The following CLEC4C variants were observed in gnomAD, a reference collection of about 807,000 sequenced individuals.
The protein encoded by CLEC4C is C-type (calcium dependent, carbohydrate-recognition domain) lectin, superfamily member 11.
In CLEC4C, 17 loss-of-function variants were observed where a neutral mutation model predicts 27.7. The observed-to-expected ratio is 0.61, with a 90% CI of 0.42 to 0.92. The LOEUF (loss-of-function observed/expected upper bound fraction) is 0.92. Ranked by LOEUF, CLEC4C falls within the 40% of genes least tolerant of loss-of-function variation. CLEC4C has a pLI of 0.00. For missense variants in CLEC4C, 244 were observed against 257.3 expected (o/e 0.95, Z 0.35); for synonymous variants, 80 against 80.8 (o/e 0.99, Z 0.06).
At chr12:7,741,777 T>C (rs1475824891) in intron 2 of CLEC4C, among the ~76,000 whole-genome samples, 2 of 152,120 alleles carry the variant, frequency 1.3e-5, no homozygotes, top group East Asian at 3.9e-4. Flanking sequence ...ACACCTGTAA[T>C]CCCAGCGCTT....
chr12:7,736,232 A>C (rs1864722699), intron 4 of CLEC4C, among the ~76,000 whole-genome samples: 1 of 151,800 alleles, frequency 6.6e-6, no homozygotes, highest in South Asian at 2.1e-4. Flanking sequence ...GCAGTGAGCC[A>C]AGACCGTGCC....
At chr12:7,741,654 G>A (rs1158622477) in intron 2 of CLEC4C, 123 bp from the exon 3 acceptor site, 17 of 583,738 alleles carry the variant, frequency 2.9e-5, no homozygotes, top group South Asian at 6.5e-5. Flanking sequence ...TTAGGAGGCC[G>A]AGGTGGGAGG....
At chr12:7,730,770 G>A (rs1864577497) in intron 5 of CLEC4C, 27 bp downstream of exon 5, 2 of 1,165,426 alleles carry the variant, frequency 1.7e-6, no homozygotes, top group Non-Finnish European at 2.6e-6. Context: ...TCAGGACCCA[G>A]TGTCCTTTAC....
At chr12:7,734,474 C>G (rs1400667588) in intron 4 of CLEC4C, among the ~76,000 whole-genome samples, 1 of 151,852 alleles carries the variant, frequency 6.6e-6, no homozygotes, top group Non-Finnish European at 1.5e-5. Flanking sequence ...CCATAATGTA[C>G]TGTAGGACTT....
chr12:7,745,254 G>A (rs1034607732), intron 2 of CLEC4C, among the ~76,000 whole-genome samples: 1 of 151,880 alleles, frequency 6.6e-6, no homozygotes, highest in African/African-American at 2.4e-5. Context: ...AAGAAACCGT[G>A]ACGAGCTAGC....
chr12:7,732,180 A>C lies in CLEC4C; in HGVS notation c.382-1268T>G, dbSNP rs28446758. Among the ~76,000 whole-genome samples, 703 of 151,650 alleles carry C rather than the reference A, an allele frequency of 4.6e-3. 4 individuals are homozygous for C. Among genetic ancestry groups the C allele is most frequent in the African/African-American group, 0.016 (666 of 41,380 alleles). On this transcript the variant is annotated intron_variant, in intron 4 of 5. Coordinates refer to ENST00000360345, the MANE Select transcript of CLEC4C (RefSeq NM_001371390.1). ...AAGTAGCTGGGATAACAGGCATGCA[A>C]CATCATGCCTGGTTAATTTTTGTAT...
At chr12:7,737,353 T>G (rs1466259050) in intron 4 of CLEC4C, 76 bp downstream of exon 4, 12 of 1,183,856 alleles carry the variant, frequency 1.0e-5, no homozygotes, top group Admixed American at 8.7e-5. Flanking sequence ...CTTTGAACTT[T>G]CAGGGCAATA....
In CLEC4C at chr12:7,734,222, C is replaced by G. The variant is rs145674794; in HGVS notation, c.381+3207G>C. On this transcript the variant is annotated intron_variant, in intron 4 of 5. Transcript: ENST00000360345. ...TTCATTCATTGAACATTCAAGCAGTCTATTGTCTGCCCAGACCCTGTGCTA... is the reference window on the plus strand; with the variant it reads ...TTCATTCATTGAACATTCAAGCAGTGTATTGTCTGCCCAGACCCTGTGCTA... 4.6e-3 allele frequency among the ~76,000 whole-genome samples: 702 copies of G among 152,280 alleles called. 4 individuals carry two copies. Among genetic ancestry groups the G allele is most frequent in the African/African-American group, 0.016 (665 of 41,546 alleles).
rs756061476 is a variant in CLEC4C, at chr12:7,733,265, A to AT, written c.382-2354dup. On this transcript the variant is annotated intron_variant, in intron 4 of 5. Coordinates refer to ENST00000360345, the MANE Select transcript of CLEC4C (RefSeq NM_001371390.1). The stretch of plus-strand genomic sequence containing the variant: ...CTATAATCAAATTTTAGAAAGCCAA[A>AT]TTTTTTTTTTTTTTTGGAGGTGGAG... Among the ~76,000 whole-genome samples, 287 of 143,688 alleles carry AT rather than the reference A, an allele frequency of 2.0e-3. 1 individual carries two copies. Among genetic ancestry groups the AT allele is most frequent in the South Asian group, 0.011 (51 of 4,560 alleles). 94.3% of individuals were successfully genotyped at this position (143,688 alleles called of 152,430 possible).
intron 4 of CLEC4C, among the ~76,000 whole-genome samples, chr12:7,736,591 G>T (rs1864731141): frequency 6.6e-6 from 1 of 151,950 alleles, no homozygotes; most frequent in Admixed American, 6.6e-5. Flanking sequence ...TTTGCCTGAA[G>T]TTTGCTCCGG....
At chr12:7,743,098 C>T (rs1327096407) in intron 2 of CLEC4C, among the ~76,000 whole-genome samples, 1 of 152,158 alleles carries the variant, frequency 6.6e-6, no homozygotes, top group Non-Finnish European at 1.5e-5. Context: ...TACCCAGCAC[C>T]TAGAAAAGTG....
chr12:7,745,648 G>C (rs1231684704), intron 2 of CLEC4C, among the ~76,000 whole-genome samples: 1 of 151,206 alleles, frequency 6.6e-6, no homozygotes, highest in African/African-American at 2.4e-5. Context: ...GTCCAAGCTG[G>C]TCTTGAACTC....
chr12:7,735,926 A>G (rs1439529905), intron 4 of CLEC4C, among the ~76,000 whole-genome samples: 1 of 152,214 alleles, frequency 6.6e-6, no homozygotes, highest in East Asian at 1.9e-4. Context: ...GAAAAATACA[A>G]TAATTGAATT....
At chr12:7,746,213 CAAAAAAAAA>C (rs932573091) in intron 2 of CLEC4C, 109 bp downstream of exon 2, 14 of 414,926 alleles carry the variant, frequency 3.4e-5, no homozygotes, top group Non-Finnish European at 5.2e-5. Context: ...GATTCCGTCT[CAAAAAAAAA>C]AAAAAAAAAA....
chr12:7,737,639 A>G lies in CLEC4C; in HGVS notation c.236-65T>C, dbSNP rs1057028225. ...AGAATTCTCCTCACATAAAGTTATA[A>G]GCTTAGCTTGCTAAGGTTTAATTAG... On this transcript the variant is annotated intron_variant, in intron 3 of 5. Coordinates refer to ENST00000360345, the MANE Select transcript of CLEC4C (RefSeq NM_001371390.1). 17 of 1,486,388 alleles carry G rather than the reference A, an allele frequency of 1.1e-5. No homozygotes were observed. In the African/African-American group the frequency reaches 2.2e-4, roughly 20 times the overall value. The allele number at this position is 1,486,388 out of a possible 1,614,324, so 92.1% of individuals were successfully genotyped here.
intron 3 of CLEC4C, among the ~76,000 whole-genome samples, chr12:7,739,455 T>C (rs941648882): frequency 6.8e-6 from 1 of 147,352 alleles, no homozygotes; most frequent in Admixed American, 6.8e-5. Context: ...TGGGTCCATA[T>C]TTCCTTCCTG....
At chr12:7,742,060 A>G (rs1241080137) in intron 2 of CLEC4C, among the ~76,000 whole-genome samples, 1 of 151,904 alleles carries the variant, frequency 6.6e-6, no homozygotes, top group Non-Finnish European at 1.5e-5. Flanking sequence ...GGCGCCTGTA[A>G]TTCCAGTTAC....
intron 5 of CLEC4C, 117 bp downstream of exon 5, chr12:7,730,680 G>A: frequency 1.0e-5 from 5 of 498,956 alleles, no homozygotes; most frequent in South Asian, 2.5e-5. Flanking sequence ...ATGTCAAATA[G>A]ACCTAGGTTT....
intron 4 of CLEC4C, among the ~76,000 whole-genome samples, chr12:7,734,256 A>G (rs942888395): frequency 9.9e-5 from 15 of 152,180 alleles, no homozygotes; most frequent in African/African-American, 3.1e-4. Context: ...TAAATGTGGC[A>G]TAAGAAGTCA....
Sources: gnomAD v4.1 joint callset for allele counts (sites outside exome capture counted in the v4.1 genomes callset) on GRCh38, gnomAD v4.1.1 for gene constraint, MANE v1.5 for transcripts, NCBI Gene and HGNC (gene_info 2026-07-23, HGNC 2026-07-21) for gene names.